The following GEMIN8 variants were observed in gnomAD, a reference collection of about 807,000 sequenced individuals.
GEMIN8 encodes gem-associated protein 8.
For missense variants in GEMIN8, 185 were observed against 205.9 expected (o/e 0.90, Z 0.62); for synonymous variants, 80 against 78.5 (o/e 1.02, Z -0.10).
chrX:14,007,461 G>T lies in GEMIN8; in HGVS notation c.*1452C>A, dbSNP rs1923222487. Among the ~76,000 whole-genome samples, 1 of 111,749 alleles carries T rather than the reference G, an allele frequency of 8.9e-6. No homozygotes were observed. The highest frequency in any genetic ancestry group is 3.3e-5 in the African/African-American group (1 of 30,721). ...GTATTCCTTTATCAAATCAATATTT[G>T]CTGTATATAGTAAGAAATCAACTGT... On this transcript the variant is annotated 3_prime_UTR_variant, in exon 5 of 5. Coordinates refer to ENST00000680255, the MANE Select transcript of GEMIN8 (RefSeq NM_001042479.2).
intron 2 of GEMIN8, 114 bp from the exon 3 acceptor site, chrX:14,021,625 G>A: frequency 4.0e-6 from 2 of 503,788 alleles, no homozygotes; most frequent in South Asian, 6.8e-5. Context: ...CCAGGACCAT[G>A]CCTGATTTCA....
the GEMIN8 span, among the ~76,000 whole-genome samples, chrX:13,986,912 C>A: frequency 8.9e-6 from 1 of 112,513 alleles, no homozygotes; most frequent in Non-Finnish European, 1.9e-5. Context: ...TCACTAGGCT[C>A]TATTGAAATG....
chrX:14,001,477 T>C, the GEMIN8 span, among the ~76,000 whole-genome samples: 22 of 111,886 alleles, frequency 2.0e-4, no homozygotes, highest in Non-Finnish European at 3.4e-4. Flanking sequence ...TTCCACACCA[T>C]ATCCCATAAC....
At chrX:14,013,880 A>G in intron 4 of GEMIN8, 1 of 630,742 alleles carries the variant, frequency 1.6e-6, no homozygotes, top group Non-Finnish European at 1.9e-6. Context: ...TATAGGTTAA[A>G]ACAAGAACAA....
At chrX:14,009,627 G>C (rs1402057748) in intron 4 of GEMIN8, among the ~76,000 whole-genome samples, 1 of 111,669 alleles carries the variant, frequency 9.0e-6, no homozygotes, top group Non-Finnish European at 1.9e-5. Flanking sequence ...AACAAGCCCT[G>C]AAAACACAGG....
At chrX:14,018,732 C>T (rs1273781335) in intron 4 of GEMIN8, among the ~76,000 whole-genome samples, 1 of 106,369 alleles carries the variant, frequency 9.4e-6, no homozygotes, top group Non-Finnish European at 1.9e-5. Flanking sequence ...ATACTTCTTT[C>T]TTTCTTTTCT....
chrX:14,001,981 C>T (rs1428500880), downstream of GEMIN8, among the ~76,000 whole-genome samples: 4 of 105,059 alleles, frequency 3.8e-5, no homozygotes, highest in Non-Finnish European at 7.8e-5. Context: ...AAAAGCCGGG[C>T]GTGGTGGTAG....
the GEMIN8 span, among the ~76,000 whole-genome samples, chrX:13,997,692 C>T: frequency 5.3e-3 from 591 of 111,051 alleles, 6 homozygotes; most frequent in African/African-American, 0.018. Context: ...GTCGGGAGTT[C>T]GAGACCAGCC....
intron 2 of GEMIN8, among the ~76,000 whole-genome samples, chrX:14,022,438 T>C (rs924667116): frequency 1.8e-5 from 2 of 111,891 alleles, no homozygotes; most frequent in Non-Finnish European, 3.8e-5. Context: ...GAGTCTCTAC[T>C]GAGGCACCAG....
chrX:14,007,482 A>G lies in GEMIN8; in HGVS notation c.*1431T>C, dbSNP rs1923223607. Among the ~76,000 whole-genome samples, 1 of 112,033 alleles carries G rather than the reference A, an allele frequency of 8.9e-6. No individual in the cohort carries two copies. Among genetic ancestry groups the G allele is most frequent in the Non-Finnish European group, 1.9e-5 (1 of 53,252 alleles). On this transcript the variant is annotated 3_prime_UTR_variant, in exon 5 of 5. Coordinates refer to ENST00000680255, the MANE Select transcript of GEMIN8 (RefSeq NM_001042479.2). ...ATTTGCTGTATATAGTAAGAAATCA[A>G]CTGTGCGTTTTCTGCAACAGAGGTG...
rs917640596 is a variant in GEMIN8, at chrX:14,018,200, C to T, written c.472+1878G>A. Among the ~76,000 whole-genome samples the T allele has an allele frequency of 2.7e-5, 3 of 112,190 alleles. No individual in the cohort carries two copies. In the Admixed American group the frequency reaches 2.8e-4, roughly 11 times the overall value. ...TAATTTTCATGATTTTGTTTACCTA[C>T]CTAGAGTTCTACCTAACAATGGCAA... On this transcript the variant is annotated intron_variant, in intron 4 of 4. Transcript: ENST00000680255.
intron 4 of GEMIN8, chrX:14,013,904 T>A: frequency 8.6e-6 from 6 of 699,541 alleles, no homozygotes; most frequent in Non-Finnish European, 1.0e-5. Context: ...GCATGTATTA[T>A]TAAGGAAAAG....
chrX:14,021,841 T>G (rs1924364784), intron 2 of GEMIN8, among the ~76,000 whole-genome samples: 1 of 84,495 alleles, frequency 1.2e-5, no homozygotes, highest in Non-Finnish European at 2.3e-5. Flanking sequence ...TATATATATA[T>G]ATAGTATATA....
chrX:14,021,409 G>C, intron 3 of GEMIN8, 55 bp downstream of exon 3: 1 of 705,295 alleles, frequency 1.4e-6, no homozygotes, highest in Non-Finnish European at 2.2e-6. Context: ...AAAGACTAAA[G>C]TTTACCTTTT....
intron 2 of GEMIN8, among the ~76,000 whole-genome samples, chrX:14,023,990 T>C (rs2147140763): frequency 8.9e-6 from 1 of 112,566 alleles, no homozygotes; most frequent in South Asian, 3.6e-4. Context: ...AACACTACTA[T>C]AGACAAAATC....
At chrX:13,995,059 C>A in the GEMIN8 span, among the ~76,000 whole-genome samples, 4 of 111,733 alleles carry the variant, frequency 3.6e-5, no homozygotes, top group Non-Finnish European at 7.5e-5. Context: ...CACTTAAGTG[C>A]CCACTGGACC....
chrX:13,997,459 A>T, the GEMIN8 span, among the ~76,000 whole-genome samples: 1 of 112,006 alleles, frequency 8.9e-6, no homozygotes, highest in Non-Finnish European at 1.9e-5. Flanking sequence ...GAGTGAGCCC[A>T]GGGGAGACTG....
chrX:13,992,480 T>C, the GEMIN8 span, among the ~76,000 whole-genome samples: 4 of 111,739 alleles, frequency 3.6e-5, no homozygotes, highest in African/African-American at 1.3e-4. Flanking sequence ...TGGGCTGTTC[T>C]GGATCAGTGC....
the GEMIN8 span, among the ~76,000 whole-genome samples, chrX:14,000,514 G>A: frequency 1.9e-4 from 21 of 108,155 alleles, no homozygotes; most frequent in East Asian, 2.9e-4. Context: ...GGAGAATGGC[G>A]TGAACCCGGG....
Sources: gnomAD v4.1 joint callset for allele counts (sites outside exome capture counted in the v4.1 genomes callset) on GRCh38, gnomAD v4.1.1 for gene constraint, MANE v1.5 for transcripts, NCBI Gene and HGNC (gene_info 2026-07-23, HGNC 2026-07-21) for gene names.